The following ZNF518B variants were observed in gnomAD, a reference collection of about 807,000 sequenced individuals.
ZNF518B encodes the protein zinc finger protein 518B.
In ZNF518B, 23 loss-of-function variants were observed where a neutral mutation model predicts 56.3. The observed-to-expected ratio is 0.41, with a 90% confidence interval of 0.29 to 0.58. The LOEUF (loss-of-function observed/expected upper bound fraction) is 0.58. Ranked by LOEUF, ZNF518B falls within the 20% of genes least tolerant of loss-of-function variation. The pLI is 0.32. For synonymous variants in ZNF518B, 529 were observed against 465.9 expected (o/e 1.14, Z -1.74); for missense variants, 1,460 against 1,272.1 (o/e 1.15, Z -2.25).
At position 10,444,646 on chromosome 4, in the gene ZNF518B, A is replaced by C. The variant is rs1714887391; in HGVS notation, c.1683T>G (p.Ile561Met). 6.2e-7 allele frequency: 1 copy of C among 1,614,222 alleles called. No individual in the cohort carries two copies. Among genetic ancestry groups the C allele is most frequent in the Non-Finnish European group, 8.5e-7 (1 of 1,180,032 alleles). Residue 561 changes from isoleucine to methionine, a missense_variant, in exon 3 of 3, where the codon ATT becomes ATG. Coordinates refer to ENST00000326756, the MANE Select transcript of ZNF518B (RefSeq NM_053042.3). Reference protein sequence around the residue: ...NDLESTSKVNIPVKVVSSNRK... With the variant: ...NDLESTSKVNMPVKVVSSNRK... The stretch of plus-strand genomic sequence containing the variant: ...TATTAGAGGAAACCACTTTTACAGG[A>C]ATATTGACTTTACTTGTAGATTCCA...
At position 10,445,056 on chromosome 4, in the gene ZNF518B, C is replaced by T. The variant is rs375331255; in HGVS notation, c.1273G>A (p.Val425Ile). Residue 425 changes from valine (V) to isoleucine (I), a missense_variant, in exon 3 of 3, where the codon GTT becomes ATT. Physicochemically the swap from Val to Ile is conservative, Grantham distance 29. Transcript: ENST00000326756. ...TTCACATTTTTAAGCTGTTTCTGAA[C>T]TGAAGGTTGAAAACTATCAATGCCT... ...LVGIDSFQPS[V>I]QKQLKNVKWV... 129 of 1,614,108 alleles carry T rather than the reference C, an allele frequency of 8.0e-5. No individual in the cohort carries two copies. The highest frequency in any genetic ancestry group is 1.0e-4 in the Non-Finnish European group (122 of 1,180,056).
In ZNF518B at chr4:10,442,822, A is replaced by G; in HGVS notation, c.*282T>C. On this transcript the variant is annotated 3_prime_UTR_variant, in exon 3 of 3. Transcript: ENST00000326756. The stretch of plus-strand genomic sequence containing the variant: ...CAGAAAACGGGGTGCTAAACAAAGA[A>G]AAGTCTCAGATCCCACTGAAAATCT... 2.8e-6 allele frequency: 1 copy of G among 363,194 alleles called. No homozygotes were observed. The highest frequency in any genetic ancestry group is 5.5e-5 in the South Asian group (1 of 18,060). The allele number at this position is 363,194 out of a possible 1,614,324, so 22.5% of individuals were successfully genotyped here.
intron 2 of ZNF518B, chr4:10,453,134 A>C (rs1715391246): frequency 6.6e-6 from 1 of 152,250 alleles, no homozygotes. Flanking sequence ...AAATGTGAAT[A>C]TTTCTCATTT....
rs916916558 is a variant in ZNF518B, at chr4:10,454,894, C to A, written c.-301G>T. 4 of 152,260 alleles carry A rather than the reference C, an allele frequency of 2.6e-5. No homozygotes were observed. The highest frequency in any genetic ancestry group is 2.0e-4 in the Admixed American group (3 of 15,284). The allele number at this position is 152,260 out of a possible 1,614,324, so 9.4% of individuals were successfully genotyped here. ...CCTTCTCTTTCAGGCCTTCTCTTCTCAGGCGTGGACTGCCATGAGTTTCAC... is the reference window on the plus strand; with the variant it reads ...CCTTCTCTTTCAGGCCTTCTCTTCTAAGGCGTGGACTGCCATGAGTTTCAC... On this transcript the variant is annotated 5_prime_UTR_variant, in exon 2 of 3. An upstream open reading frame in the 5' UTR loses its in-frame stop. Transcript: ENST00000326756.
rs377349254 is a variant in ZNF518B at position 10,443,640 on chromosome 4, A to G, written c.2689T>C (p.Ser897Pro). 4.3e-5 allele frequency: 69 copies of G among 1,614,126 alleles called. No individual in the cohort carries two copies. The highest frequency in any genetic ancestry group is 3.5e-4 in the South Asian group (32 of 91,078). Reference sequence around the variant, plus strand: ...GCTTGAATTTTGTTTTTCTTCCTGGATAAGTGTACTTGTTTGGTTTTATTT... The same window carrying G: ...GCTTGAATTTTGTTTTTCTTCCTGGGTAAGTGTACTTGTTTGGTTTTATTT... Reference protein sequence around the residue: ...SRNKTKQVHLSRKKNKIQAEP... With the variant: ...SRNKTKQVHLPRKKNKIQAEP... Residue 897 changes from serine to proline, a missense_variant, in exon 3 of 3, where the codon TCC becomes CCC. By Grantham distance (74) the Ser-to-Pro change is moderately conservative (BLOSUM62 -1). Transcript: ENST00000326756.
chr4:10,445,354 T>C lies in ZNF518B; in HGVS notation c.975A>G (p.Pro325=). The C allele has an allele frequency of 6.2e-7, 1 of 1,614,240 alleles. No homozygotes were observed. The change falls in exon 3 of 3, where the codon CCA becomes CCG. Residue 325 remains proline (P), a synonymous_variant. Transcript: ENST00000326756. The part of the protein sequence containing the change: ...VLSPAKEPVQ[P]GMPLTVVAPA... ...GTGCAACAACTGTCAATGGCATACCTGGCTGAACAGGTTCTTTTGCAGGGG... is the reference window on the plus strand; with the variant it reads ...GTGCAACAACTGTCAATGGCATACCCGGCTGAACAGGTTCTTTTGCAGGGG...
Position 10,443,244 on chromosome 4 carries a change from C to A in ZNF518B, c.3085G>T (p.Asp1029Tyr). ...TTAAATACACACTGTGAAGAATCAT[C>A]AGGCAAGGAATCCACTACCTGGTAG... ...NNYQVVDSLPDDSSQCVFKCW... is the reference protein window; with the variant it reads ...NNYQVVDSLPYDSSQCVFKCW... Residue 1029 changes from aspartate (D) to tyrosine (Y), a missense_variant, in exon 3 of 3, where the codon GAT becomes TAT. Asp to Tyr is a radical substitution (Grantham distance 160, BLOSUM62 -3). Transcript: ENST00000326756. 6.2e-7 allele frequency: 1 copy of A among 1,614,192 alleles called. No individual in the cohort carries two copies. Among genetic ancestry groups the A allele is most frequent in the African/African-American group, 1.3e-5 (1 of 75,044 alleles).
chr4:10,457,672 A>G (rs1407888197), upstream of ZNF518B, among the ~76,000 whole-genome samples: 1 of 152,256 alleles, frequency 6.6e-6, no homozygotes, highest in Admixed American at 6.5e-5. Context: ...GTCCTGGCCC[A>G]GTCTGCCATC....
chr4:10,460,319 A>AC (rs1715703041), upstream of ZNF518B, among the ~76,000 whole-genome samples: 4 of 87,580 alleles, frequency 4.6e-5, 1 homozygote, highest in South Asian at 4.9e-4. Flanking sequence ...AAAAAAAAAA[A>AC]AAAACCAAAA....
intron 2 of ZNF518B, among the ~76,000 whole-genome samples, chr4:10,447,647 C>CTTTTTTT (rs10675116): frequency 1.6e-5 from 2 of 121,396 alleles, no homozygotes; most frequent in Non-Finnish European, 3.3e-5. Flanking sequence ...ACAGAGTGAC[C>CTTTTTTT]TTTTTTTTTT....
chr4:10,442,692 G>A lies in ZNF518B; in HGVS notation c.*412C>T, dbSNP rs139826204. ...AAATTAAAGCAAAAACAAAATGGAT[G>A]TGCACACCAAAACAAAGGTTTTTCT... On this transcript the variant is annotated 3_prime_UTR_variant, in exon 3 of 3. Transcript: ENST00000326756. 6.2e-6 allele frequency: 1 copy of A among 160,656 alleles called. No individual in the cohort carries two copies. The highest frequency in any genetic ancestry group is 2.4e-5 in the African/African-American group (1 of 41,742). The allele number at this position is 160,656 out of a possible 1,614,324, so 10.0% of individuals were successfully genotyped here.
In ZNF518B at chr4:10,443,069, T is replaced by G; in HGVS notation, c.*35A>C. On this transcript the variant is annotated 3_prime_UTR_variant, in exon 3 of 3. Transcript: ENST00000326756. Reference sequence around the variant, plus strand: ...GGAGGGACTCCAAACCAGAATAAACTAAAAGATAACTTGCTTTAAAGAGTA... The same window carrying G: ...GGAGGGACTCCAAACCAGAATAAACGAAAAGATAACTTGCTTTAAAGAGTA... 6.4e-7 allele frequency: 1 copy of G among 1,570,416 alleles called. No homozygotes were observed. The highest frequency in any genetic ancestry group is 8.6e-7 in the Non-Finnish European group (1 of 1,158,126).
intron 2 of ZNF518B, chr4:10,451,567 T>TA (rs953483489): frequency 1.1e-4 from 17 of 152,324 alleles, no homozygotes; most frequent in African/African-American, 3.8e-4. Flanking sequence ...TTTTTTAATT[T>TA]AAAAAAATAC....
At chr4:10,454,082 G>A (rs1400093125) in intron 2 of ZNF518B, 2 of 152,242 alleles carry the variant, frequency 1.3e-5, no homozygotes, top group African/African-American at 2.4e-5. Context: ...CAAACCACCT[G>A]ATACTACAGG....
Position 10,444,394 on chromosome 4 carries a change from A to C in ZNF518B, c.1935T>G (p.Asn645Lys), listed in dbSNP as rs1367633462. ...SVFSLSSGSE[N>K]VPEGIKWNSS... The stretch of plus-strand genomic sequence containing the variant: ...TATTCCACTTAATGCCCTCGGGGAC[A>C]TTTTCAGATCCAGAGCTCAGAGAAA... Residue 645 changes from asparagine (N) to lysine (K), a missense_variant, in exon 3 of 3, where the codon AAT (asparagine) becomes AAG (lysine). Transcript: ENST00000326756. The C allele has an allele frequency of 5.6e-6, 9 of 1,614,066 alleles. No homozygotes were observed. In the Admixed American group the frequency reaches 8.3e-5, roughly 15 times the overall value.
upstream of ZNF518B, among the ~76,000 whole-genome samples, chr4:10,460,534 G>C (rs1577231544): frequency 6.6e-6 from 1 of 152,044 alleles, no homozygotes; most frequent in Non-Finnish European, 1.5e-5. Flanking sequence ...GGAGAACAGG[G>C]GAGAGGAGAG....
Position 10,446,445 on chromosome 4 carries a change from G to C in ZNF518B, c.-117C>G. 2 of 925,534 alleles carry C rather than the reference G, an allele frequency of 2.2e-6. No homozygotes were observed. Among genetic ancestry groups the C allele is most frequent in the Non-Finnish European group, 3.3e-6 (2 of 603,058 alleles). 57.3% of individuals were successfully genotyped at this position (925,534 alleles called of 1,614,324 possible). On this transcript the variant is annotated 5_prime_UTR_variant, in exon 3 of 3. Coordinates refer to ENST00000326756, the MANE Select transcript of ZNF518B (RefSeq NM_053042.3). The stretch of plus-strand genomic sequence containing the variant: ...TGGGTAGGGGCGCAGCTACTTCTTG[G>C]GTGCATACTTAATTATCTTTCTTTA...
Position 10,444,573 on chromosome 4 carries a change from C to G in ZNF518B, c.1756G>C (p.Val586Leu), listed in dbSNP as rs749378794. ...TTATGTTGAGAGGAAATCTGGCCTA[C>G]AGTTGAAACTGCCTTGTGTTCCTCT... ...QTEEHKAVST[V>L]GQISSQHKSE... Residue 586 changes from valine to leucine, a missense_variant, in exon 3 of 3, where the codon GTA becomes CTA. By Grantham distance (32) the Val-to-Leu change is conservative. Coordinates refer to ENST00000326756, the MANE Select transcript of ZNF518B (RefSeq NM_053042.3). The G allele has an allele frequency of 1.2e-6, 2 of 1,614,120 alleles. No homozygotes were observed. The highest frequency in any genetic ancestry group is 1.7e-6 in the Non-Finnish European group (2 of 1,180,012).
chr4:10,456,460 G>C (rs1715531356), intron 1 of ZNF518B, among the ~76,000 whole-genome samples: 1 of 152,120 alleles, frequency 6.6e-6, no homozygotes, highest in African/African-American at 2.4e-5. Flanking sequence ...ATCAGCATTT[G>C]GAACAATTCA....
Sources: gnomAD v4.1 joint callset for allele counts (sites outside exome capture counted in the v4.1 genomes callset) on GRCh38, gnomAD v4.1.1 for gene constraint, MANE v1.5 for transcripts, NCBI Gene and HGNC (gene_info 2026-07-23, HGNC 2026-07-21) for gene names.